Variants in PRKG1 observed in about 807,000 individuals in gnomAD.
The protein encoded by PRKG1 is protein kinase cGMP-dependent 1.
A neutral mutation model predicts 88.1 loss-of-function variants in PRKG1; 35 were observed. The ratio of observed to expected loss-of-function variants is 0.40; its 90% confidence interval spans 0.30 to 0.53. PRKG1 has a LOEUF of 0.53. Ranked by LOEUF, PRKG1 falls within the 20% of genes least tolerant of loss-of-function variation. PRKG1 has a pLI of 0.59. For synonymous variants in PRKG1, 303 were observed against 292.5 expected (o/e 1.04, Z -0.37); for missense variants, 540 against 839.8 (o/e 0.64, Z 4.41).
intron 4 of PRKG1, among the ~76,000 whole-genome samples, chr10:51,892,434 A>G (rs572284436): frequency 3.3e-5 from 5 of 152,186 alleles, no homozygotes; most frequent in Non-Finnish European, 5.9e-5. Flanking sequence ...AGACCCATTT[A>G]TCTGCCCATA....
intron 4 of PRKG1, among the ~76,000 whole-genome samples, chr10:51,874,394 GAGA>G (rs1224375013): frequency 2.0e-5 from 3 of 152,200 alleles, no homozygotes; most frequent in Non-Finnish European, 4.4e-5. Flanking sequence ...CATGAAAGCC[GAGA>G]AGTAGTAGTA....
chr10:51,835,806 CCTCCATACTGTTTT>C (rs1223917249), intron 4 of PRKG1, among the ~76,000 whole-genome samples: 1 of 152,140 alleles, frequency 6.6e-6, no homozygotes, highest in Non-Finnish European at 1.5e-5. Flanking sequence ...TTTTGAGGAA[CCTCCATACTGTTTT>C]CTATGATGGA....
chr10:51,564,268 G>GCT (rs1837544408), intron 3 of PRKG1, among the ~76,000 whole-genome samples: 1 of 151,926 alleles, frequency 6.6e-6, no homozygotes, highest in Non-Finnish European at 1.5e-5. Context: ...GTACTAATGG[G>GCT]AAAAAGCTAG....
intron 7 of PRKG1, among the ~76,000 whole-genome samples, chr10:52,085,624 G>A (rs909501014): frequency 3.9e-5 from 6 of 151,996 alleles, no homozygotes; most frequent in African/African-American, 1.4e-4. Context: ...TTGGAGTCAA[G>A]GGCTATAAGA....
chr10:51,617,053 C>T (rs1446208593), intron 3 of PRKG1, among the ~76,000 whole-genome samples: 1 of 152,118 alleles, frequency 6.6e-6, no homozygotes, highest in African/African-American at 2.4e-5. Context: ...ATGAGCTTCC[C>T]TCTGGAGCAA....
At chr10:51,597,192 A>G (rs1917841) in intron 3 of PRKG1, among the ~76,000 whole-genome samples, 55,228 of 151,848 alleles carry the variant, frequency 0.36, 11,889 homozygotes, top group Non-Finnish European at 0.49. Context: ...TTAAACCTGT[A>G]ATTTCATCGG....
intron 1 of PRKG1, among the ~76,000 whole-genome samples, chr10:51,126,332 T>C (rs2131927294): frequency 7.7e-6 from 1 of 129,492 alleles, no homozygotes; most frequent in Admixed American, 8.2e-5. Context: ...TTTTTATATT[T>C]TATATTATTT....
At chr10:51,988,576 G>C (rs1420442714) in intron 5 of PRKG1, among the ~76,000 whole-genome samples, 1 of 151,940 alleles carries the variant, frequency 6.6e-6, no homozygotes, top group Non-Finnish European at 1.5e-5. Context: ...AGGTATCATT[G>C]TTTAAATTTT....
At chr10:52,150,189 ATTGGCC>A (rs1837874329) in intron 8 of PRKG1, among the ~76,000 whole-genome samples, 1 of 108,288 alleles carries the variant, frequency 9.2e-6, no homozygotes. Flanking sequence ...TAATAATTTG[ATTGGCC>A]ATAAGGGCAG....
chr10:51,585,466 T>A (rs1301347009), intron 3 of PRKG1, among the ~76,000 whole-genome samples: 1 of 152,114 alleles, frequency 6.6e-6, no homozygotes, highest in Admixed American at 6.6e-5. Flanking sequence ...TTGTCTTAAT[T>A]TTAATATTAC....
chr10:51,923,637 C>T (rs955516159), intron 5 of PRKG1, among the ~76,000 whole-genome samples: 44 of 151,598 alleles, frequency 2.9e-4, no homozygotes, highest in African/African-American at 1.0e-3. Context: ...CATCACTTCA[C>T]AGATAGCATA....
chr10:51,378,044 G>A (rs2132622594), intron 2 of PRKG1, among the ~76,000 whole-genome samples: 1 of 152,338 alleles, frequency 6.6e-6, no homozygotes, highest in East Asian at 1.9e-4. Context: ...TTTCTTACCA[G>A]GCTCCAGGAT....
intron 4 of PRKG1, among the ~76,000 whole-genome samples, chr10:51,820,504 G>A (rs886090388): frequency 2.6e-5 from 4 of 152,258 alleles, no homozygotes; most frequent in South Asian, 4.1e-4. Flanking sequence ...ACCTACAGAA[G>A]CAGAGGCACA....
chr10:52,070,918 A>T (rs192256818), intron 7 of PRKG1, among the ~76,000 whole-genome samples: 13 of 152,150 alleles, frequency 8.5e-5, no homozygotes, highest in Non-Finnish European at 1.6e-4. Context: ...TGTTTATGAA[A>T]TGTGTGATCT....
At chr10:51,759,991 G>A (rs753206264) in intron 3 of PRKG1, among the ~76,000 whole-genome samples, 1 of 152,146 alleles carries the variant, frequency 6.6e-6, no homozygotes, top group African/African-American at 2.4e-5. Flanking sequence ...ATAAAACAAA[G>A]CTAGTCTGGC....
At chr10:51,859,032 C>A (rs995920165) in intron 4 of PRKG1, among the ~76,000 whole-genome samples, 4 of 152,092 alleles carry the variant, frequency 2.6e-5, no homozygotes, top group African/African-American at 9.7e-5. Flanking sequence ...CTCGATAGAA[C>A]AAAAGCTCCT....
intron 4 of PRKG1, among the ~76,000 whole-genome samples, chr10:51,837,785 C>T (rs1840169348): frequency 6.6e-6 from 1 of 152,156 alleles, no homozygotes; most frequent in African/African-American, 2.4e-5. Context: ...TAACCCAATG[C>T]TTGGGCCCTA....
intron 9 of PRKG1, among the ~76,000 whole-genome samples, chr10:52,194,257 T>G (rs1839449037): frequency 1.3e-5 from 2 of 152,186 alleles, no homozygotes; most frequent in Admixed American, 6.5e-5. Flanking sequence ...ATATCATTTA[T>G]TAGGCCACTG....
chr10:51,732,675 G>A (rs954973737), intron 3 of PRKG1, among the ~76,000 whole-genome samples: 2 of 152,174 alleles, frequency 1.3e-5, no homozygotes, highest in Admixed American at 6.5e-5. Flanking sequence ...ATTCTGTTGA[G>A]TGGTGCTGAA....
Sources: allele counts gnomAD v4.1 joint callset (sites outside exome capture counted in the v4.1 genomes callset), GRCh38; gene constraint gnomAD v4.1.1; transcripts MANE v1.5; gene names NCBI Gene and HGNC (gene_info 2026-07-23, HGNC 2026-07-21).